The following RAP1GDS1 variants were observed in gnomAD, a reference collection of about 807,000 sequenced individuals.
The protein encoded by RAP1GDS1 is Rap1 GTPase-GDP dissociation stimulator 1.
RAP1GDS1 carries 35 observed loss-of-function variants against 71.1 expected under a neutral mutation model. That is an observed-to-expected ratio of 0.49 (90% CI 0.38 to 0.65). RAP1GDS1 has a LOEUF of 0.65. Among genes scored for constraint, RAP1GDS1 ranks in the 30% least tolerant of loss-of-function variants. RAP1GDS1 has a pLI of 0.00. For missense variants in RAP1GDS1, 663 were observed against 706.1 expected (o/e 0.94, Z 0.69); for synonymous variants, 229 against 243.1 (o/e 0.94, Z 0.54).
At chr4:98,403,841 A>G (rs1284898526) in intron 6 of RAP1GDS1, among the ~76,000 whole-genome samples, 1 of 152,200 alleles carries the variant, frequency 6.6e-6, no homozygotes, top group Non-Finnish European at 1.5e-5. Flanking sequence ...ATGTGAGTTG[A>G]GAGAGTAGAG....
At position 98,359,401 on chromosome 4, in the gene RAP1GDS1, A is replaced by G. The variant is rs145310451; in HGVS notation, c.361+6800A>G. On this transcript the variant is annotated intron_variant, in intron 4 of 14. Transcript: ENST00000408927. ...TAAAAGACAGAAGATAAATGAAAGTATAAAAAAACCTTTAAGTAGTAAAGA... is the reference window on the plus strand; with the variant it reads ...TAAAAGACAGAAGATAAATGAAAGTGTAAAAAAACCTTTAAGTAGTAAAGA... 2.0e-4 allele frequency among the ~76,000 whole-genome samples: 31 copies of G among 152,298 alleles called. No homozygotes were observed. The East Asian group carries it at 5.2e-3, about 26-fold the overall frequency.
chr4:98,348,237 T>C (rs1225503024), intron 3 of RAP1GDS1, among the ~76,000 whole-genome samples: 1 of 152,138 alleles, frequency 6.6e-6, no homozygotes, highest in Non-Finnish European at 1.5e-5. Context: ...GTCCCTGTGA[T>C]AGTTTGCTGA....
Position 98,416,907 on chromosome 4 carries a change from C to T in RAP1GDS1, c.907+19C>T, listed in dbSNP as rs113035112. On this transcript the variant is annotated intron_variant, in intron 8 of 14. Transcript: ENST00000408927. ...CTTGGAGGTGAGTTGTAATTTATGCCAGCCAAAGAATGTGGTTGTCAGATG... is the reference window on the plus strand; with the variant it reads ...CTTGGAGGTGAGTTGTAATTTATGCTAGCCAAAGAATGTGGTTGTCAGATG... The T allele has an allele frequency of 7.6e-3, 12,182 of 1,608,234 alleles. 54 individuals carry two copies. The highest frequency in any genetic ancestry group is 9.2e-3 in the Non-Finnish European group (10,816 of 1,177,674).
intron 12 of RAP1GDS1, among the ~76,000 whole-genome samples, chr4:98,432,838 G>A (rs1346418655): frequency 6.6e-6 from 1 of 151,996 alleles, no homozygotes; most frequent in Non-Finnish European, 1.5e-5. Flanking sequence ...AGAGTTCTAA[G>A]ACAACGGAAC....
rs192875399 is a variant in RAP1GDS1, at chr4:98,421,418, A to G, written c.1440+24A>G. On this transcript the variant is annotated intron_variant, in intron 12 of 14. Coordinates refer to ENST00000408927, the MANE Select transcript of RAP1GDS1 (RefSeq NM_001100427.2). ...AAGTAAGTTCCAGAGGAAACTGTTCACTAGAAAACTTCAGAGTGTCTTTTT... is the reference window on the plus strand; with the variant it reads ...AAGTAAGTTCCAGAGGAAACTGTTCGCTAGAAAACTTCAGAGTGTCTTTTT... 1.9e-6 allele frequency: 3 copies of G among 1,561,200 alleles called. No individual in the cohort carries two copies. The Admixed American group carries it at 5.7e-5, about 30-fold the overall frequency.
intron 7 of RAP1GDS1, among the ~76,000 whole-genome samples, chr4:98,406,925 T>C (rs1160161527): frequency 1.3e-5 from 2 of 152,082 alleles, no homozygotes; most frequent in Non-Finnish European, 2.9e-5. Flanking sequence ...TAGAAATTTT[T>C]CTAGTAGTGA....
intron 11 of RAP1GDS1, among the ~76,000 whole-genome samples, 194 bp downstream of exon 11, chr4:98,420,338 A>G (rs1748647635): frequency 7.1e-6 from 1 of 141,818 alleles, no homozygotes; most frequent in South Asian, 2.1e-4. Context: ...TATACATATT[A>G]TTTATTTATT....
intron 1 of RAP1GDS1, among the ~76,000 whole-genome samples, chr4:98,277,327 A>G (rs1724369821): frequency 6.6e-6 from 1 of 152,220 alleles, no homozygotes; most frequent in South Asian, 2.1e-4. Context: ...TTTTAAAAAG[A>G]CACTACATCA....
intron 2 of RAP1GDS1, among the ~76,000 whole-genome samples, chr4:98,294,210 G>A (rs1056911433): frequency 6.6e-6 from 1 of 151,814 alleles, no homozygotes; most frequent in African/African-American, 2.4e-5. Context: ...AATTCTGCTT[G>A]GTTGTGCTGT....
intron 1 of RAP1GDS1, among the ~76,000 whole-genome samples, chr4:98,274,419 A>T (rs1402682915): frequency 1.3e-5 from 2 of 152,216 alleles, no homozygotes; most frequent in Non-Finnish European, 2.9e-5. Context: ...TGGTTCAGTG[A>T]TACATGATAA....
intron 11 of RAP1GDS1, 59 bp downstream of exon 11, chr4:98,420,203 A>T: frequency 7.5e-7 from 1 of 1,339,770 alleles, no homozygotes; most frequent in Admixed American, 2.7e-5. Flanking sequence ...ATGTGCCTCT[A>T]GTTGAAAAAG....
At chr4:98,392,362 C>T in intron 6 of RAP1GDS1, 1 of 221,344 alleles carries the variant, frequency 4.5e-6, no homozygotes, top group Non-Finnish European at 8.8e-6. Context: ...TTACACTTGT[C>T]TCCACTTGAC....
intron 1 of RAP1GDS1, among the ~76,000 whole-genome samples, chr4:98,273,410 G>A (rs1169695135): frequency 2.0e-5 from 3 of 151,904 alleles, no homozygotes; most frequent in Non-Finnish European, 2.9e-5. Flanking sequence ...GAACATAAAT[G>A]TCCATCATTT....
At chr4:98,355,993 A>C (rs909045031) in intron 4 of RAP1GDS1, among the ~76,000 whole-genome samples, 1 of 152,134 alleles carries the variant, frequency 6.6e-6, no homozygotes, top group African/African-American at 2.4e-5. Flanking sequence ...AAGGCACTTC[A>C]TTTATGTATT....
At chr4:98,407,401 A>G (rs569237176) in intron 7 of RAP1GDS1, among the ~76,000 whole-genome samples, 1 of 152,336 alleles carries the variant, frequency 6.6e-6, no homozygotes, top group Non-Finnish European at 1.5e-5. Context: ...AAAAAGCAGA[A>G]GAAAAGATAG....
At chr4:98,269,200 A>G (rs1020069682) in intron 1 of RAP1GDS1, among the ~76,000 whole-genome samples, 2 of 149,378 alleles carry the variant, frequency 1.3e-5, no homozygotes, top group African/African-American at 4.9e-5. Flanking sequence ...AAAAAAGCCA[A>G]GGAAACACAA....
chr4:98,309,106 G>A (rs998688162), intron 2 of RAP1GDS1, among the ~76,000 whole-genome samples: 5 of 151,992 alleles, frequency 3.3e-5, no homozygotes, highest in African/African-American at 1.2e-4. Context: ...CATATTGAGT[G>A]CGTGATGCCA....
chr4:98,426,152 G>A (rs1380580820), intron 12 of RAP1GDS1, among the ~76,000 whole-genome samples: 1 of 151,986 alleles, frequency 6.6e-6, no homozygotes, highest in Non-Finnish European at 1.5e-5. Flanking sequence ...AATCAAGATG[G>A]GAATTTAAAA....
chr4:98,370,150 G>A (rs1254786661), intron 4 of RAP1GDS1, among the ~76,000 whole-genome samples: 1 of 152,100 alleles, frequency 6.6e-6, no homozygotes, highest in Non-Finnish European at 1.5e-5. Context: ...TGTATTCTCA[G>A]GACCTAGTTC....
Sources: allele counts gnomAD v4.1 joint callset (sites outside exome capture counted in the v4.1 genomes callset), GRCh38; gene constraint gnomAD v4.1.1; transcripts MANE v1.5; gene names NCBI Gene and HGNC (gene_info 2026-07-23, HGNC 2026-07-21).